Variants in LIPI observed in about 807,000 individuals in gnomAD.
The protein encoded by LIPI is lipase I, also known as lipase member I.
In LIPI, 59 loss-of-function variants were observed where a neutral mutation model predicts 50.6. The ratio of observed to expected loss-of-function variants is 1.16; its 90% confidence interval spans 0.94 to 1.45. The LOEUF (loss-of-function observed/expected upper bound fraction) is 1.45. Ranked by LOEUF, LIPI falls within the 40% of genes most tolerant of loss-of-function variation. LIPI has a pLI of 0.00. For missense variants in LIPI, 586 were observed against 536.3 expected (o/e 1.09, Z -0.92); for synonymous variants, 203 against 178.2 (o/e 1.14, Z -1.11).
chr21:14,110,397 T>C (rs1556277), intron 9 of LIPI, among the ~76,000 whole-genome samples: 75,730 of 151,540 alleles, frequency 0.5, 18,961 homozygotes, highest in Admixed American at 0.52. Flanking sequence ...ATTATGTACA[T>C]GGTGTTTTGA....
chr21:14,140,149 A>G (rs2017652428), intron 9 of LIPI, among the ~76,000 whole-genome samples: 1 of 152,180 alleles, frequency 6.6e-6, no homozygotes, highest in Non-Finnish European at 1.5e-5. Context: ...AAGCAAGAGA[A>G]CACTTAAGAG....
chr21:14,149,025 C>A (rs1396977651), intron 8 of LIPI, among the ~76,000 whole-genome samples: 1 of 152,152 alleles, frequency 6.6e-6, no homozygotes, highest in Non-Finnish European at 1.5e-5. Flanking sequence ...TGTTCTAGGC[C>A]TGTGTTCATG....
At chr21:14,134,571 A>C (rs891334427) in intron 9 of LIPI, among the ~76,000 whole-genome samples, 5 of 152,212 alleles carry the variant, frequency 3.3e-5, no homozygotes, top group Non-Finnish European at 7.3e-5. Context: ...CCAAAACAGC[A>C]TGGTACTGGT....
Position 14,181,819 on chromosome 21 carries a change from T to C in LIPI, c.582A>G (p.Pro194=). ...CATCCGTGTAATCTAATCTGCTATA[T>C]GGTGGTTTTCTGGAGAACCTTGGCC... ...PAGPRFSRKP[P]YSRLDYTDAK... The change falls in exon 4 of 10, where the codon CCA becomes CCG. Residue 194 remains proline, a synonymous_variant. Transcript: ENST00000681601. 6.2e-7 allele frequency: 1 copy of C among 1,612,702 alleles called. No individual in the cohort carries two copies. Among genetic ancestry groups the C allele is most frequent in the Non-Finnish European group, 8.5e-7 (1 of 1,178,980 alleles).
intron 9 of LIPI, among the ~76,000 whole-genome samples, chr21:14,140,729 A>T (rs886766998): frequency 3.3e-5 from 5 of 152,090 alleles, no homozygotes; most frequent in African/African-American, 7.2e-5. Context: ...ATCATCTATA[A>T]AATTCTATTT....
chr21:14,172,791 C>T (rs1051879030), intron 4 of LIPI, among the ~76,000 whole-genome samples: 1 of 151,826 alleles, frequency 6.6e-6, no homozygotes, highest in Non-Finnish European at 1.5e-5. Flanking sequence ...GGGTGCAGCA[C>T]ACCAGCATGG....
At chr21:14,204,521 G>A (rs1186093795) in intron 1 of LIPI, among the ~76,000 whole-genome samples, 1 of 151,762 alleles carries the variant, frequency 6.6e-6, no homozygotes, top group Non-Finnish European at 1.5e-5. Flanking sequence ...ACTAAGGAGA[G>A]GCAGAAACTG....
chr21:14,158,687 T>A (rs13046585), intron 7 of LIPI, among the ~76,000 whole-genome samples: 1 of 148,964 alleles, frequency 6.7e-6, no homozygotes, highest in Admixed American at 6.7e-5. Context: ...CAGAACATGA[T>A]AGAAAATTAA....
At chr21:14,164,492 C>T (rs897800402) in intron 6 of LIPI, among the ~76,000 whole-genome samples, 1 of 152,152 alleles carries the variant, frequency 6.6e-6, no homozygotes, top group African/African-American at 2.4e-5. Context: ...TTTAATTTAG[C>T]CTTTGTAATC....
chr21:14,163,306 C>T, intron 7 of LIPI, 113 bp downstream of exon 7: 2 of 619,266 alleles, frequency 3.2e-6, no homozygotes, highest in Admixed American at 2.7e-5. Flanking sequence ...TTAAATTTGC[C>T]TGAAAGAACA....
At chr21:14,112,128 G>A (rs1226552146) in intron 9 of LIPI, among the ~76,000 whole-genome samples, 2 of 151,974 alleles carry the variant, frequency 1.3e-5, no homozygotes, top group East Asian at 3.9e-4. Flanking sequence ...AACCTTTGTT[G>A]AAAATTAATT....
At chr21:14,209,121 CAAT>C (rs2020300353) in intron 1 of LIPI, among the ~76,000 whole-genome samples, 1 of 152,100 alleles carries the variant, frequency 6.6e-6, no homozygotes. Flanking sequence ...TAAATGGTTA[CAAT>C]AAGTTGGTAA....
chr21:14,165,621 CAT>C (rs1600885093), intron 5 of LIPI, among the ~76,000 whole-genome samples: 2 of 152,124 alleles, frequency 1.3e-5, no homozygotes, highest in East Asian at 1.9e-4. Context: ...TAATAATTAA[CAT>C]AGCAAAAATG....
chr21:14,135,824 A>G (rs1299119523), intron 9 of LIPI, among the ~76,000 whole-genome samples: 2 of 152,124 alleles, frequency 1.3e-5, no homozygotes, highest in Non-Finnish European at 2.9e-5. Flanking sequence ...GACATCAGTT[A>G]GGGAAGTTAA....
chr21:14,165,195 T>C (rs756577793), intron 6 of LIPI, 28 bp downstream of exon 6: 5 of 1,509,216 alleles, frequency 3.3e-6, no homozygotes, highest in South Asian at 2.3e-5. Context: ...TAAATAAGAA[T>C]GATAGTAACT....
In LIPI at chr21:14,180,356, A is replaced by G. The variant is rs750039248; in HGVS notation, c.643+1402T>C. 2.6e-5 allele frequency among the ~76,000 whole-genome samples: 4 copies of G among 152,146 alleles called. No individual in the cohort carries two copies. The South Asian group carries it at 8.3e-4, about 31-fold the overall frequency. Reference sequence around the variant, plus strand: ...GTTCTTACACCCCCTTCCCTTTTTAAAACCCTTAATAAAAACTTGCTGGTC... The same window carrying G: ...GTTCTTACACCCCCTTCCCTTTTTAGAACCCTTAATAAAAACTTGCTGGTC... On this transcript the variant is annotated intron_variant, in intron 4 of 9. Transcript: ENST00000681601.
intron 1 of LIPI, among the ~76,000 whole-genome samples, chr21:14,198,522 A>AGAAGGCC (rs2019939896): frequency 6.6e-6 from 1 of 151,894 alleles, no homozygotes; most frequent in Non-Finnish European, 1.5e-5. Context: ...AAAAAGACAA[A>AGAAGGCC]ACATTACATA....
At chr21:14,192,888 A>G (rs2123297630) in intron 1 of LIPI, among the ~76,000 whole-genome samples, 1 of 152,332 alleles carries the variant, frequency 6.6e-6, no homozygotes. Context: ...AAGAAAGTAC[A>G]CTAGACAAGT....
At position 14,208,089 on chromosome 21, in the gene LIPI, A is replaced by G. The variant is rs79153609; in HGVS notation, c.46+2711T>C. On this transcript the variant is annotated intron_variant, in intron 1 of 9. Coordinates refer to ENST00000681601, the MANE Select transcript of LIPI (RefSeq NM_001302998.2). Reference sequence around the variant, plus strand: ...GATTTTAGTAAGTCAAGAAAAATTAATCGTGGATCATATCAGAAAAATACT... The same window carrying G: ...GATTTTAGTAAGTCAAGAAAAATTAGTCGTGGATCATATCAGAAAAATACT... 5.6e-3 allele frequency among the ~76,000 whole-genome samples: 848 copies of G among 152,314 alleles called. 10 individuals are homozygous for G. Among genetic ancestry groups the G allele is most frequent in the African/African-American group, 0.019 (782 of 41,566 alleles).
Sources: gnomAD v4.1 joint callset for allele counts (sites outside exome capture counted in the v4.1 genomes callset) on GRCh38, gnomAD v4.1.1 for gene constraint, MANE v1.5 for transcripts, NCBI Gene and HGNC (gene_info 2026-07-23, HGNC 2026-07-21) for gene names.